DLG2: variants seen among roughly 807,000 people sequenced by gnomAD.
The protein encoded by DLG2 is discs large MAGUK scaffold protein 2.
DLG2 carries 45 observed loss-of-function variants against 132.5 expected under a neutral mutation model. The ratio of observed to expected loss-of-function variants is 0.34; its 90% CI spans 0.27 to 0.44. DLG2 has a LOEUF of 0.44. DLG2 is among the 20% of genes least tolerant of loss of function. The pLI is 1.00. For missense variants in DLG2, 1,045 were observed against 1,196.9 expected, an observed-to-expected ratio of 0.87 and a Z score of 1.87; for synonymous variants, 424 against 419.6, an observed-to-expected ratio of 1.01 and a Z score of -0.13.
intron 6 of DLG2, among the ~76,000 whole-genome samples, chr11:84,708,868 G>A (rs531445172): frequency 5.3e-5 from 8 of 151,818 alleles, no homozygotes; most frequent in African/African-American, 1.9e-4. Flanking sequence ...GAATCCCAAG[G>A]AGCATTTCTT....
At chr11:83,736,865 T>C (rs1307329555) in intron 18 of DLG2, among the ~76,000 whole-genome samples, 1 of 152,220 alleles carries the variant, frequency 6.6e-6, no homozygotes, top group Non-Finnish European at 1.5e-5. Context: ...TGATGCTGGC[T>C]AATTACTTCT....
At chr11:84,937,541 A>C (rs2048894680) in intron 6 of DLG2, among the ~76,000 whole-genome samples, 1 of 152,184 alleles carries the variant, frequency 6.6e-6, no homozygotes, top group African/African-American at 2.4e-5. Flanking sequence ...GCGTATATAC[A>C]GGAGTTAACA....
intron 6 of DLG2, among the ~76,000 whole-genome samples, chr11:84,839,378 T>C (rs1486146359): frequency 6.6e-6 from 1 of 152,100 alleles, no homozygotes; most frequent in Non-Finnish European, 1.5e-5. Context: ...TCCATGCTCA[T>C]GGATAGGAAG....
intron 6 of DLG2, among the ~76,000 whole-genome samples, chr11:84,669,800 C>T (rs2099703770): frequency 6.6e-6 from 1 of 152,170 alleles, no homozygotes; most frequent in Admixed American, 6.5e-5. Flanking sequence ...CTCCTAAGTA[C>T]CTCCTTGGAG....
intron 9 of DLG2, among the ~76,000 whole-genome samples, chr11:84,108,794 C>A (rs1338814109): frequency 1.3e-5 from 2 of 151,024 alleles, no homozygotes; most frequent in Non-Finnish European, 3.0e-5. Flanking sequence ...AACAGAGAGG[C>A]AAGTTGCTGT....
At chr11:84,578,563 T>G (rs1444890888) in intron 6 of DLG2, among the ~76,000 whole-genome samples, 1 of 152,180 alleles carries the variant, frequency 6.6e-6, no homozygotes, top group Non-Finnish European at 1.5e-5. Flanking sequence ...ACCCCTTTGT[T>G]TTGGCCAATT....
At chr11:85,370,308 A>T (rs1427700614) in intron 3 of DLG2, among the ~76,000 whole-genome samples, 1 of 152,228 alleles carries the variant, frequency 6.6e-6, no homozygotes, top group African/African-American at 2.4e-5. Flanking sequence ...AGGTTATAAG[A>T]AGGCATGGAA....
intron 6 of DLG2, among the ~76,000 whole-genome samples, chr11:84,705,976 T>C (rs1329045362): frequency 6.6e-6 from 1 of 151,826 alleles, no homozygotes; most frequent in Non-Finnish European, 1.5e-5. Flanking sequence ...CTCTGACACC[T>C]CATGATATTT....
At chr11:84,702,735 T>A (rs1054380930) in intron 6 of DLG2, among the ~76,000 whole-genome samples, 3 of 151,630 alleles carry the variant, frequency 2.0e-5, no homozygotes, top group African/African-American at 7.3e-5. Context: ...CGATCTCCTA[T>A]CATGTCTTTC....
At chr11:85,053,682 G>T (rs1009643485) in intron 6 of DLG2, among the ~76,000 whole-genome samples, 1 of 146,966 alleles carries the variant, frequency 6.8e-6, no homozygotes. Flanking sequence ...GGCGCCTGTA[G>T]TCCCAGCTAC....
At chr11:84,948,717 T>A (rs574507197) in intron 6 of DLG2, among the ~76,000 whole-genome samples, 1 of 152,330 alleles carries the variant, frequency 6.6e-6, no homozygotes, top group African/African-American at 2.4e-5. Flanking sequence ...CTAACCTGGA[T>A]CTTGACAGGT....
Position 83,945,842 on chromosome 11 carries a change from G to GTA in DLG2, c.1341-15360_1341-15359insTA, listed in dbSNP as rs1255418866. Among the ~76,000 whole-genome samples, 9 of 150,556 alleles carry GTA rather than the reference G, an allele frequency of 6.0e-5. No homozygotes were observed. In the East Asian group the frequency reaches 1.7e-3, roughly 29 times the overall value. On this transcript the variant is annotated intron_variant, in intron 14 of 27. Transcript: ENST00000376104. Reference sequence around the variant, plus strand: ...TGTGTGTGTGTGTGTGTGTGTGTGTGTGTTTTCTAATGTGCTTTTACTTTT... The same window carrying GTA: ...TGTGTGTGTGTGTGTGTGTGTGTGTGTATGTTTTCTAATGTGCTTTTACTTTT...
chr11:83,953,366 C>T (rs1047260272), intron 14 of DLG2, among the ~76,000 whole-genome samples: 1 of 152,130 alleles, frequency 6.6e-6, no homozygotes, highest in African/African-American at 2.4e-5. Flanking sequence ...CAGCCCCTGG[C>T]ATTAGATTCT....
intron 5 of DLG2, among the ~76,000 whole-genome samples, chr11:85,114,607 G>A (rs1356191241): frequency 2.6e-5 from 4 of 151,924 alleles, no homozygotes; most frequent in South Asian, 2.1e-4. Context: ...AAAACAGACA[G>A]GTTGATGTCT....
At chr11:85,496,923 G>T (rs1385469270) in intron 3 of DLG2, among the ~76,000 whole-genome samples, 2 of 152,064 alleles carry the variant, frequency 1.3e-5, no homozygotes, top group East Asian at 3.9e-4. Context: ...ACAGCCAAAA[G>T]TCATTGACTT....
At chr11:85,358,995 T>A (rs987306989) in intron 3 of DLG2, among the ~76,000 whole-genome samples, 2 of 152,216 alleles carry the variant, frequency 1.3e-5, no homozygotes, top group African/African-American at 4.8e-5. Flanking sequence ...GATTTGCCAT[T>A]TGTTAATATA....
chr11:85,237,803 C>G (rs2075666385), intron 4 of DLG2, among the ~76,000 whole-genome samples: 1 of 152,060 alleles, frequency 6.6e-6, no homozygotes, highest in Admixed American at 6.6e-5. Context: ...AGACATAGCA[C>G]CAGAGGAACC....
intron 3 of DLG2, among the ~76,000 whole-genome samples, chr11:85,398,577 T>TA (rs375457104): frequency 1.3e-4 from 19 of 151,930 alleles, no homozygotes; most frequent in African/African-American, 4.6e-4. Flanking sequence ...ATAGATGCAA[T>TA]AAAAAATGAT....
intron 8 of DLG2, among the ~76,000 whole-genome samples, chr11:84,173,962 C>T (rs2095879370): frequency 7.5e-6 from 1 of 133,942 alleles, no homozygotes; most frequent in African/African-American, 2.8e-5. Flanking sequence ...TTGCCAAGCT[C>T]TGTCCTTTGT....
Sources: gnomAD v4.1 joint callset for allele counts (sites outside exome capture counted in the v4.1 genomes callset) on GRCh38, gnomAD v4.1.1 for gene constraint, MANE v1.5 for transcripts, NCBI Gene and HGNC (gene_info 2026-07-23, HGNC 2026-07-21) for gene names.